Variants in CAMKMT observed in about 807,000 individuals in gnomAD.
The protein encoded by CAMKMT is calmodulin-lysine N-methyltransferase.
A neutral mutation model predicts 48.0 loss-of-function variants in CAMKMT; 53 were observed. The ratio of observed to expected loss-of-function variants is 1.10; its 90% confidence interval spans 0.89 to 1.39. CAMKMT has a LOEUF of 1.39. Ranked by LOEUF, CAMKMT falls within the 40% of genes most tolerant of loss-of-function variation. CAMKMT has a pLI of 0.00. For synonymous variants in CAMKMT, 165 were observed against 152.3 expected, an observed-to-expected ratio of 1.08 and a Z score of -0.61; for missense variants, 428 against 402.7, an observed-to-expected ratio of 1.06 and a Z score of -0.54.
chr2:44,764,073 C>T (rs929087467), intron 9 of CAMKMT, among the ~76,000 whole-genome samples: 1 of 151,862 alleles, frequency 6.6e-6, no homozygotes, highest in Non-Finnish European at 1.5e-5. Context: ...CTGCCGAGAC[C>T]ATGTATTATA....
chr2:44,468,710 G>T (rs1219844127), intron 3 of CAMKMT, among the ~76,000 whole-genome samples: 1 of 152,158 alleles, frequency 6.6e-6, no homozygotes, highest in East Asian at 1.9e-4. Flanking sequence ...TTTGAACCTA[G>T]AAGTTTGAGA....
intron 3 of CAMKMT, among the ~76,000 whole-genome samples, chr2:44,675,780 T>A (rs1188086134): frequency 6.6e-6 from 1 of 152,198 alleles, no homozygotes; most frequent in Non-Finnish European, 1.5e-5. Flanking sequence ...AGAGCTCTTT[T>A]CATTTTCCCA....
At chr2:44,589,249 C>T (rs1371245076) in intron 3 of CAMKMT, among the ~76,000 whole-genome samples, 6 of 38,024 alleles carry the variant, frequency 1.6e-4, no homozygotes, top group East Asian at 3.9e-4. Flanking sequence ...CCGCCCCGTC[C>T]GGGAGGGTGG....
chr2:44,485,422 T>C (rs1669166404), intron 3 of CAMKMT, among the ~76,000 whole-genome samples: 1 of 152,214 alleles, frequency 6.6e-6, no homozygotes, highest in Non-Finnish European at 1.5e-5. Flanking sequence ...AAACATAATG[T>C]TGAGCAAAAG....
chr2:44,548,856 C>G (rs1360830883), intron 3 of CAMKMT, among the ~76,000 whole-genome samples: 2 of 152,120 alleles, frequency 1.3e-5, no homozygotes, highest in East Asian at 1.9e-4. Context: ...TTTAGAGCCT[C>G]CAGATGAGAA....
intron 3 of CAMKMT, among the ~76,000 whole-genome samples, chr2:44,575,424 C>T (rs192541680): frequency 3.9e-5 from 6 of 152,282 alleles, no homozygotes; most frequent in Admixed American, 3.9e-4. Flanking sequence ...AGTAACATTG[C>T]ATATTTTTCT....
chr2:44,706,175 C>G, intron 4 of CAMKMT, 112 bp from the exon 5 acceptor site: 1 of 988,430 alleles, frequency 1.0e-6, no homozygotes. Flanking sequence ...CTACAACTTC[C>G]TGGTAGCGCC....
At chr2:44,664,120 A>C (rs1452154036) in intron 3 of CAMKMT, among the ~76,000 whole-genome samples, 2 of 152,206 alleles carry the variant, frequency 1.3e-5, no homozygotes, top group African/African-American at 4.8e-5. Context: ...TAGTTGTTTC[A>C]TGATAATCTG....
At chr2:44,388,993 G>A (rs1417927863) in intron 2 of CAMKMT, among the ~76,000 whole-genome samples, 1 of 152,188 alleles carries the variant, frequency 6.6e-6, no homozygotes, top group Admixed American at 6.5e-5. Context: ...CCTCCTGCTG[G>A]GAGGTGGTGC....
At chr2:44,635,044 G>C (rs1285373335) in intron 3 of CAMKMT, among the ~76,000 whole-genome samples, 2 of 152,168 alleles carry the variant, frequency 1.3e-5, no homozygotes, top group African/African-American at 4.8e-5. Context: ...TTGCATTCCA[G>C]TTTGGATGAC....
chr2:44,692,839 T>A (rs1250274127), intron 3 of CAMKMT, among the ~76,000 whole-genome samples: 1 of 152,216 alleles, frequency 6.6e-6, no homozygotes, highest in East Asian at 1.9e-4. Context: ...TCTTACAGTT[T>A]GTTAGTGGCA....
chr2:44,506,397 G>T (rs994663435), intron 3 of CAMKMT, among the ~76,000 whole-genome samples: 2 of 152,094 alleles, frequency 1.3e-5, no homozygotes, highest in African/African-American at 4.8e-5. Flanking sequence ...TCTCTTCCTT[G>T]CATGTGAGAC....
intron 3 of CAMKMT, among the ~76,000 whole-genome samples, chr2:44,681,658 A>G (rs766612093): frequency 6.6e-6 from 1 of 152,040 alleles, no homozygotes; most frequent in East Asian, 1.9e-4. Context: ...TAAACAGGAC[A>G]TCATAAACCA....
intron 9 of CAMKMT, among the ~76,000 whole-genome samples, chr2:44,756,727 GC>G (rs1339185567): frequency 6.8e-6 from 1 of 147,700 alleles, no homozygotes; most frequent in Admixed American, 6.8e-5. Flanking sequence ...GGGCGACAGA[GC>G]AAGACTCTGT....
intron 3 of CAMKMT, among the ~76,000 whole-genome samples, chr2:44,685,116 T>G (rs1676265351): frequency 6.6e-6 from 1 of 151,970 alleles, no homozygotes; most frequent in Admixed American, 6.6e-5. Flanking sequence ...CAGTTTATGT[T>G]CAAAGACAAC....
chr2:44,457,185 A>G (rs1316288855), intron 3 of CAMKMT: 1 of 152,122 alleles, frequency 6.6e-6, no homozygotes, highest in Non-Finnish European at 1.5e-5. Flanking sequence ...ACAATGACTA[A>G]TTTCTTTTGT....
chr2:44,405,642 T>G (rs990055871), intron 3 of CAMKMT, among the ~76,000 whole-genome samples: 1 of 151,962 alleles, frequency 6.6e-6, no homozygotes, highest in East Asian at 1.9e-4. Flanking sequence ...AATGAAGATT[T>G]GAAAAAAATT....
intron 3 of CAMKMT, among the ~76,000 whole-genome samples, chr2:44,471,229 G>T (rs1003010629): frequency 6.6e-6 from 1 of 152,056 alleles, no homozygotes; most frequent in Admixed American, 6.6e-5. Flanking sequence ...GACCTCAGGT[G>T]GTCTGCCTGC....
Position 44,452,873 on chromosome 2 carries a change from G to A in CAMKMT, c.376+62568G>A, listed in dbSNP as rs192429126. Among the ~76,000 whole-genome samples the A allele has an allele frequency of 9.5e-4, 144 of 152,120 alleles. 1 individual carries two copies. The highest frequency in any genetic ancestry group is 3.3e-3 in the African/African-American group (139 of 41,546). On this transcript the variant is annotated intron_variant, in intron 3 of 10. Transcript: ENST00000378494. ...TGATATCCTGCAGCCATTATTGGAT[G>A]CCTTTGGGGTTGTGATATCATGCTG...
Sources: gnomAD v4.1 joint callset for allele counts (sites outside exome capture counted in the v4.1 genomes callset) on GRCh38, gnomAD v4.1.1 for gene constraint, MANE v1.5 for transcripts, NCBI Gene and HGNC (gene_info 2026-07-23, HGNC 2026-07-21) for gene names.